Variants in ANTXR1 observed in about 807,000 individuals in gnomAD.
The protein encoded by ANTXR1 is ANTXR cell adhesion molecule 1, also known as anthrax toxin receptor 1.
Under a neutral mutation model 78.1 loss-of-function variants are expected in ANTXR1, and 19 were observed. The ratio of observed to expected loss-of-function variants is 0.24; its 90% confidence interval spans 0.17 to 0.36. The LOEUF (loss-of-function observed/expected upper bound fraction) is 0.36. Ranked by LOEUF, ANTXR1 falls within the 10% of genes least tolerant of loss-of-function variation. ANTXR1 has a pLI of 1.00. For synonymous variants in ANTXR1, 273 were observed against 260.5 expected (o/e 1.05, Z -0.46); for missense variants, 518 against 718.6 (o/e 0.72, Z 3.19).
chr2:69,216,364 A>G (rs944870567), intron 17 of ANTXR1, among the ~76,000 whole-genome samples: 1 of 152,168 alleles, frequency 6.6e-6, no homozygotes, highest in Admixed American at 6.5e-5. Context: ...GGGCTGGGAA[A>G]CCAAACATGC....
In ANTXR1 at chr2:69,215,386, T is replaced by C. The variant is rs536186292; in HGVS notation, c.1434+21971T>C. Among the ~76,000 whole-genome samples the C allele has an allele frequency of 8.5e-5, 13 of 152,316 alleles. 1 individual carries two copies. The South Asian group carries it at 2.7e-3, about 32-fold the overall frequency. Reference sequence around the variant, plus strand: ...CATCATGAAGCCAGTTTACAGATGTTTCCCTATTAGGCAACTTATTAGAAT... The same window carrying C: ...CATCATGAAGCCAGTTTACAGATGTCTCCCTATTAGGCAACTTATTAGAAT... On this transcript the variant is annotated intron_variant, in intron 17 of 17. Coordinates refer to ENST00000303714, the MANE Select transcript of ANTXR1 (RefSeq NM_032208.3).
At chr2:69,174,933 C>T (rs1674080683) in intron 14 of ANTXR1, among the ~76,000 whole-genome samples, 1 of 152,144 alleles carries the variant, frequency 6.6e-6, no homozygotes, top group African/African-American at 2.4e-5. Context: ...GATTAAAATA[C>T]CAGTGGCCCC....
chr2:69,239,296 C>T (rs757536525), intron 17 of ANTXR1, among the ~76,000 whole-genome samples: 79 of 152,256 alleles, frequency 5.2e-4, no homozygotes, highest in Non-Finnish European at 9.6e-4. Flanking sequence ...AGGCCAGGTG[C>T]GGTGGCTCAC....
At chr2:69,236,338 A>T (rs1454557553) in intron 17 of ANTXR1, among the ~76,000 whole-genome samples, 1 of 152,176 alleles carries the variant, frequency 6.6e-6, no homozygotes, top group Non-Finnish European at 1.5e-5. Flanking sequence ...GTGAGTGTAT[A>T]TATGTATATG....
chr2:69,236,883 T>C (rs1675777453), intron 17 of ANTXR1, among the ~76,000 whole-genome samples: 1 of 152,206 alleles, frequency 6.6e-6, no homozygotes, highest in South Asian at 2.1e-4. Flanking sequence ...TTTTTGTAAA[T>C]AAATCCACCA....
chr2:69,206,236 C>T (rs953370580), intron 17 of ANTXR1, among the ~76,000 whole-genome samples: 3 of 152,218 alleles, frequency 2.0e-5, no homozygotes, highest in Non-Finnish European at 4.4e-5. Context: ...ATTACTGCAA[C>T]ACCTATGTTT....
chr2:69,030,307 C>T (rs1016765074), intron 1 of ANTXR1, among the ~76,000 whole-genome samples: 3 of 152,140 alleles, frequency 2.0e-5, no homozygotes, highest in East Asian at 3.9e-4. Flanking sequence ...TAGTGTTAAA[C>T]GCATACAGAC....
rs1376793197 is a variant in ANTXR1, at chr2:69,249,181, T to C, written c.*3696T>C. The C allele has an allele frequency of 6.6e-6, 1 of 152,072 alleles. No individual in the cohort carries two copies. The highest frequency in any genetic ancestry group is 1.5e-5 in the Non-Finnish European group (1 of 68,036). 9.4% of individuals were successfully genotyped at this position (152,072 alleles called of 1,614,324 possible). A position where few individuals can be genotyped will look rare whatever the true frequency, so the allele number is the denominator to read the frequency against. On this transcript the variant is annotated 3_prime_UTR_variant, in exon 18 of 18. Coordinates refer to ENST00000303714, the MANE Select transcript of ANTXR1 (RefSeq NM_032208.3). ...AATTTCTTAAATCAACTCTTTTTTCTGGTTGTCTGTTTGTTATAAAGTGCA... is the reference window on the plus strand; with the variant it reads ...AATTTCTTAAATCAACTCTTTTTTCCGGTTGTCTGTTTGTTATAAAGTGCA...
At chr2:69,189,132 G>T (rs1196443434) in intron 16 of ANTXR1, among the ~76,000 whole-genome samples, 1 of 152,204 alleles carries the variant, frequency 6.6e-6, no homozygotes, top group Non-Finnish European at 1.5e-5. Context: ...TGTATTGATT[G>T]CCTGGATTGT....
intron 13 of ANTXR1, among the ~76,000 whole-genome samples, chr2:69,163,635 G>A (rs925843578): frequency 6.6e-6 from 1 of 152,126 alleles, no homozygotes; most frequent in Admixed American, 6.5e-5. Flanking sequence ...CAGGACACAC[G>A]CTCCTATTGA....
chr2:69,045,902 C>G (rs530773135), intron 3 of ANTXR1, among the ~76,000 whole-genome samples: 34 of 152,230 alleles, frequency 2.2e-4, no homozygotes, highest in African/African-American at 7.9e-4. Flanking sequence ...CCAAGAATAG[C>G]AAACAGAACC....
At chr2:69,140,762 T>A (rs1673048273) in intron 12 of ANTXR1, among the ~76,000 whole-genome samples, 1 of 152,256 alleles carries the variant, frequency 6.6e-6, no homozygotes, top group Non-Finnish European at 1.5e-5. Context: ...TTCATTTGGA[T>A]GTGGGAATTC....
At chr2:69,231,614 T>C (rs1413090243) in intron 17 of ANTXR1, among the ~76,000 whole-genome samples, 3 of 152,166 alleles carry the variant, frequency 2.0e-5, no homozygotes, top group Admixed American at 6.5e-5. Context: ...TTGGGCTCAG[T>C]TGGATAGTTC....
intron 10 of ANTXR1, among the ~76,000 whole-genome samples, chr2:69,104,008 A>G (rs13401320): frequency 0.28 from 42,119 of 149,408 alleles, 9,446 homozygotes; most frequent in African/African-American, 0.63. Flanking sequence ...GCACGATCTC[A>G]GCTCACTGCA....
At chr2:69,179,580 C>T (rs1479988391) in intron 14 of ANTXR1, among the ~76,000 whole-genome samples, 5 of 151,250 alleles carry the variant, frequency 3.3e-5, no homozygotes, top group African/African-American at 9.7e-5. Flanking sequence ...CAAAAATGAG[C>T]GTGTATTTGT....
chr2:69,166,724 C>T (rs1478438093), intron 13 of ANTXR1, among the ~76,000 whole-genome samples: 1 of 152,204 alleles, frequency 6.6e-6, no homozygotes, highest in East Asian at 1.9e-4. Flanking sequence ...GAGGAAGGCG[C>T]CAAAGAGCCC....
At chr2:69,029,041 AC>A (rs58379246) in intron 1 of ANTXR1, among the ~76,000 whole-genome samples, 30,590 of 136,310 alleles carry the variant, frequency 0.22, 6,655 homozygotes, top group African/African-American at 0.55. Context: ...ACATGTTGAG[AC>A]CCCCCCCCCT....
intron 3 of ANTXR1, among the ~76,000 whole-genome samples, chr2:69,066,861 A>C (rs1670414079): frequency 6.6e-6 from 1 of 152,184 alleles, no homozygotes; most frequent in Non-Finnish European, 1.5e-5. Flanking sequence ...TGAAACCACC[A>C]AGGAAAACAG....
intron 8 of ANTXR1, chr2:69,090,594 C>A (rs2104281597): frequency 1.9e-6 from 1 of 534,030 alleles, no homozygotes; most frequent in South Asian, 2.0e-5. Context: ...ACTGGCATAG[C>A]ATAGGCTCAG....
Sources: gnomAD v4.1 joint callset for allele counts (sites outside exome capture counted in the v4.1 genomes callset) on GRCh38, gnomAD v4.1.1 for gene constraint, MANE v1.5 for transcripts, NCBI Gene and HGNC (gene_info 2026-07-23, HGNC 2026-07-21) for gene names.